Variants in NRXN3 observed in about 807,000 individuals in gnomAD.
NRXN3 encodes the protein neurexin 3, also known as neurexin III.
Under a neutral mutation model 137.6 loss-of-function variants are expected in NRXN3, and 32 were observed. The observed-to-expected ratio is 0.23, with a 90% CI of 0.18 to 0.31. The LOEUF is 0.31. Among genes scored for constraint, NRXN3 ranks in the 10% least tolerant of loss-of-function variants. NRXN3 has a pLI of 1.00. For missense variants in NRXN3, 1,574 were observed against 2,062.5 expected, an observed-to-expected ratio of 0.76 and a Z score of 4.59; for synonymous variants, 798 against 784.5, an observed-to-expected ratio of 1.02 and a Z score of -0.29.
chr14:79,200,809 T>C (rs912138602), intron 15 of NRXN3, among the ~76,000 whole-genome samples: 4 of 148,920 alleles, frequency 2.7e-5, no homozygotes. Flanking sequence ...GAAATCCCTA[T>C]TGCTCTCCTG....
At chr14:78,331,822 A>G (rs1043429903) in intron 4 of NRXN3, among the ~76,000 whole-genome samples, 2 of 152,200 alleles carry the variant, frequency 1.3e-5, no homozygotes, top group African/African-American at 2.4e-5. Context: ...TGATTACTCA[A>G]TATAAAAATA....
In NRXN3 at chr14:79,735,742, G is replaced by A. The variant is rs1471348093; in HGVS notation, c.4014+37805G>A. On this transcript the variant is annotated intron_variant, in intron 19 of 20. Coordinates refer to ENST00000335750, the MANE Select transcript of NRXN3 (RefSeq NM_001330195.2). The stretch of plus-strand genomic sequence containing the variant: ...GAAAAACTTCTGCAGCCCTGTGACT[G>A]GATTCTTTCTCCTGATCTAATAGGG... Among the ~76,000 whole-genome samples, 3 of 152,090 alleles carry A rather than the reference G, an allele frequency of 2.0e-5. No individual in the cohort carries two copies. The East Asian group carries it at 5.8e-4, about 29-fold the overall frequency.
chr14:78,183,133 G>A (rs978755846), intron 1 of NRXN3, among the ~76,000 whole-genome samples: 5 of 152,150 alleles, frequency 3.3e-5, no homozygotes, highest in Non-Finnish European at 7.4e-5. Context: ...AGGGCATGCC[G>A]GCCCCTCTGT....
chr14:78,987,008 C>A lies in NRXN3; in HGVS notation c.3143-1014C>A, dbSNP rs1030933608. 5.3e-5 allele frequency among the ~76,000 whole-genome samples: 6 copies of A among 113,894 alleles called. No homozygotes were observed. The East Asian group carries it at 1.3e-3, about 25-fold the overall frequency. 74.7% of individuals were successfully genotyped at this position (113,894 alleles called of 152,430 possible). A position where few individuals can be genotyped will look rare whatever the true frequency, so the allele number is the denominator to read the frequency against. ...ACTGCACTCCAGTCTAGCAACAGAGCGAGACTGTCTCAAAAAAAAAAAAAA... is the reference window on the plus strand; with the variant it reads ...ACTGCACTCCAGTCTAGCAACAGAGAGAGACTGTCTCAAAAAAAAAAAAAA... On this transcript the variant is annotated intron_variant, in intron 14 of 20. Coordinates refer to ENST00000335750, the MANE Select transcript of NRXN3 (RefSeq NM_001330195.2).
At chr14:78,270,140 A>G (rs2072481490) in intron 2 of NRXN3, among the ~76,000 whole-genome samples, 1 of 152,162 alleles carries the variant, frequency 6.6e-6, no homozygotes, top group Non-Finnish European at 1.5e-5. Context: ...CAGGATTGTC[A>G]TCCAAGTCTA....
intron 16 of NRXN3, among the ~76,000 whole-genome samples, chr14:79,565,314 C>T (rs1248843117): frequency 7.9e-6 from 1 of 126,986 alleles, no homozygotes; most frequent in African/African-American, 3.4e-5. Flanking sequence ...CATATACACA[C>T]ACATGTGTGT....
chr14:78,790,269 A>G (rs994147085), intron 8 of NRXN3, among the ~76,000 whole-genome samples: 2 of 152,198 alleles, frequency 1.3e-5, no homozygotes, highest in African/African-American at 2.4e-5. Context: ...GAAAGAGTAC[A>G]TGCCTGCTTT....
intron 4 of NRXN3, among the ~76,000 whole-genome samples, chr14:78,344,265 C>G (rs530698282): frequency 6.6e-6 from 1 of 152,302 alleles, no homozygotes; most frequent in Admixed American, 6.5e-5. Flanking sequence ...AGCTGGTGGA[C>G]AAGACTTATC....
intron 16 of NRXN3, among the ~76,000 whole-genome samples, chr14:79,618,184 G>A (rs1439388456): frequency 6.6e-6 from 1 of 151,976 alleles, no homozygotes; most frequent in Non-Finnish European, 1.5e-5. Flanking sequence ...TATTATGGAT[G>A]GTCATTTTAT....
chr14:78,834,880 A>G (rs1294335589), intron 10 of NRXN3, among the ~76,000 whole-genome samples: 1 of 152,174 alleles, frequency 6.6e-6, no homozygotes, highest in Non-Finnish European at 1.5e-5. Context: ...CAGTGGGAAG[A>G]AAAGAGAGAG....
chr14:79,038,434 C>T (rs2099619810), intron 15 of NRXN3, among the ~76,000 whole-genome samples: 1 of 152,076 alleles, frequency 6.6e-6, no homozygotes, highest in Non-Finnish European at 1.5e-5. Context: ...ATTACAAAAA[C>T]ACATATATTG....
At chr14:79,590,374 C>A (rs917361616) in intron 16 of NRXN3, among the ~76,000 whole-genome samples, 1 of 132,214 alleles carries the variant, frequency 7.6e-6, no homozygotes. Flanking sequence ...GCCTCCCCAG[C>A]GATGTGGAAC....
At chr14:79,240,878 C>G (rs78088561) in intron 15 of NRXN3, among the ~76,000 whole-genome samples, 4,955 of 152,230 alleles carry the variant, frequency 0.033, 300 homozygotes, top group African/African-American at 0.11. Flanking sequence ...TTTCATTACA[C>G]CCATGCCATG....
In NRXN3 at chr14:79,836,584, A is replaced by G. The variant is rs185533941; in HGVS notation, c.4094-24758A>G. On this transcript the variant is annotated intron_variant, in intron 20 of 20. Transcript: ENST00000335750. ...ATAATAGGAGTTCTCCAACAGAGAA[A>G]GAGCTGCTTACAGCTTCAGAGTACA... is the stretch of plus-strand genomic sequence containing the variant. 2.0e-5 allele frequency among the ~76,000 whole-genome samples: 3 copies of G among 152,324 alleles called. No homozygotes were observed. The East Asian group carries it at 5.8e-4, about 29-fold the overall frequency.
At chr14:79,812,422 A>C (rs1433109693) in intron 20 of NRXN3, among the ~76,000 whole-genome samples, 1 of 152,172 alleles carries the variant, frequency 6.6e-6, no homozygotes, top group African/African-American at 2.4e-5. Context: ...AATGAGGACA[A>C]TGAATGGAAA....
chr14:79,068,068 A>C (rs1053320801), intron 15 of NRXN3, among the ~76,000 whole-genome samples: 1 of 151,932 alleles, frequency 6.6e-6, no homozygotes, highest in Non-Finnish European at 1.5e-5. Flanking sequence ...CCCTTAAAGA[A>C]CTCAAAGGAG....
At chr14:78,665,492 G>C (rs1161230583) in intron 6 of NRXN3, among the ~76,000 whole-genome samples, 1 of 152,162 alleles carries the variant, frequency 6.6e-6, no homozygotes, top group Non-Finnish European at 1.5e-5. Context: ...CTCCCACCGG[G>C]TTCCTCTCAT....
At chr14:78,975,339 T>C (rs2099461122) in intron 14 of NRXN3, among the ~76,000 whole-genome samples, 1 of 152,138 alleles carries the variant, frequency 6.6e-6, no homozygotes, top group South Asian at 2.1e-4. Context: ...CAAGTATGTT[T>C]TAGATGGATG....
intron 4 of NRXN3, among the ~76,000 whole-genome samples, chr14:78,620,371 C>A (rs1280947160): frequency 1.3e-5 from 2 of 152,182 alleles, no homozygotes; most frequent in Admixed American, 6.5e-5. Context: ...AGAAAAATAA[C>A]CTGCTTGTAC....
Sources: gnomAD v4.1 joint callset for allele counts (sites outside exome capture counted in the v4.1 genomes callset) on GRCh38, gnomAD v4.1.1 for gene constraint, MANE v1.5 for transcripts, NCBI Gene and HGNC (gene_info 2026-07-23, HGNC 2026-07-21) for gene names.